Variants in TMCC1 observed in about 807,000 individuals in gnomAD.
TMCC1 encodes transmembrane and coiled-coil domains protein 1.
TMCC1 carries 15 observed loss-of-function variants against 52.4 expected under a neutral mutation model. That is an observed-to-expected ratio of 0.29 (90% confidence interval 0.19 to 0.44). The LOEUF (loss-of-function observed/expected upper bound fraction) is 0.44. TMCC1 is among the 20% of genes least tolerant of loss of function. TMCC1 has a pLI of 1.00. For missense variants in TMCC1, 503 were observed against 806.0 expected (o/e 0.62, Z 4.55); for synonymous variants, 279 against 301.9 (o/e 0.92, Z 0.79).
At chr3:129,743,752 C>T (rs2051670542) in intron 4 of TMCC1, among the ~76,000 whole-genome samples, 1 of 152,100 alleles carries the variant, frequency 6.6e-6, no homozygotes. Context: ...GCAAAATGCC[C>T]ATTCCTGCTA....
chr3:129,889,871 G>C (rs1291075157), intron 1 of TMCC1, among the ~76,000 whole-genome samples: 1 of 150,614 alleles, frequency 6.6e-6, no homozygotes, highest in African/African-American at 2.4e-5. Context: ...TTTGGTCAAG[G>C]AGATAAAACT....
chr3:129,656,064 G>A (rs887650267), intron 5 of TMCC1, among the ~76,000 whole-genome samples: 1 of 152,222 alleles, frequency 6.6e-6, no homozygotes, highest in African/African-American at 2.4e-5. Flanking sequence ...TATTAAATGA[G>A]CCCAAAGAAG....
chr3:129,754,259 C>CTG (rs926846003), intron 4 of TMCC1, among the ~76,000 whole-genome samples: 2 of 152,156 alleles, frequency 1.3e-5, no homozygotes, highest in African/African-American at 2.4e-5. Flanking sequence ...GAAAGGGACA[C>CTG]CATGTCATTT....
intron 4 of TMCC1, among the ~76,000 whole-genome samples, chr3:129,738,751 A>T (rs2051201062): frequency 6.6e-6 from 1 of 152,232 alleles, no homozygotes; most frequent in African/African-American, 2.4e-5. Context: ...AATAGAATTT[A>T]TCTCCACTTA....
intron 4 of TMCC1, among the ~76,000 whole-genome samples, chr3:129,773,733 C>G (rs2054802452): frequency 6.6e-6 from 1 of 152,046 alleles, no homozygotes; most frequent in African/African-American, 2.4e-5. Flanking sequence ...TCACTTCAGC[C>G]CAGGAGTTTG....
At chr3:129,885,747 G>GT (rs1440152654) in intron 1 of TMCC1, among the ~76,000 whole-genome samples, 2 of 151,712 alleles carry the variant, frequency 1.3e-5, no homozygotes, top group Non-Finnish European at 2.9e-5. Flanking sequence ...AGGTTTTTTT[G>GT]TTTGTTTGTT....
intron 4 of TMCC1, among the ~76,000 whole-genome samples, chr3:129,717,867 C>T (rs780650948): frequency 6.6e-6 from 1 of 152,154 alleles, no homozygotes; most frequent in Non-Finnish European, 1.5e-5. Context: ...CAGAATGATC[C>T]TTTAAAAACC....
intron 4 of TMCC1, among the ~76,000 whole-genome samples, chr3:129,750,647 T>C (rs1261450072): frequency 6.9e-6 from 1 of 143,984 alleles, no homozygotes; most frequent in Non-Finnish European, 1.5e-5. Context: ...CAATCTCGGC[T>C]CACTGCAAAC....
intron 4 of TMCC1, among the ~76,000 whole-genome samples, chr3:129,732,967 G>A (rs772965579): frequency 2.6e-5 from 4 of 152,200 alleles, no homozygotes; most frequent in Non-Finnish European, 5.9e-5. Context: ...CCACTTAGGG[G>A]TTTTAGGCTG....
intron 4 of TMCC1, among the ~76,000 whole-genome samples, chr3:129,800,169 G>T (rs1170354026): frequency 2.6e-5 from 4 of 152,142 alleles, no homozygotes; most frequent in Non-Finnish European, 5.9e-5. Flanking sequence ...GCAGTTGTGT[G>T]TAACAGTTCT....
Position 129,828,202 on chromosome 3 carries a change from C to G in TMCC1, c.177G>C (p.Gln59His). 1 of 1,614,176 alleles carries G rather than the reference C, an allele frequency of 6.2e-7. No individual in the cohort carries two copies. The highest frequency in any genetic ancestry group is 8.5e-7 in the Non-Finnish European group (1 of 1,180,030). The part of the protein sequence containing the change: ...GQGLKHLFQH[Q>H]RRRSSVSPHD... ...GTGGAGACACTGATGACCTCCTGCG[C>G]TGGTGCTGGAAGAGATGCTTCAAGC... Residue 59 changes from glutamine (Q) to histidine (H), a missense_variant, in exon 4 of 7, where the codon CAG becomes CAC. Gln to His is a conservative substitution (Grantham distance 24). Coordinates refer to ENST00000393238, the MANE Select transcript of TMCC1 (RefSeq NM_001017395.5). The surrounding 1 kb of genome is among the most constrained non-coding windows in gnomAD (Gnocchi z 4.1).
At chr3:129,886,830 G>A (rs867833736) in intron 1 of TMCC1, among the ~76,000 whole-genome samples, 6 of 151,932 alleles carry the variant, frequency 3.9e-5, no homozygotes, top group Admixed American at 1.3e-4. Context: ...CCAGCTACTC[G>A]GGAGGCTGAG....
At chr3:129,760,286 C>T (rs1560352033) in intron 4 of TMCC1, among the ~76,000 whole-genome samples, 1 of 152,084 alleles carries the variant, frequency 6.6e-6, no homozygotes, top group Non-Finnish European at 1.5e-5. Flanking sequence ...CACAGCTTAC[C>T]GCAGCCTCGA....
intron 4 of TMCC1, among the ~76,000 whole-genome samples, chr3:129,759,372 A>T (rs1223234073): frequency 6.7e-6 from 1 of 150,150 alleles, no homozygotes; most frequent in Non-Finnish European, 1.5e-5. Flanking sequence ...GTTTCAAGCG[A>T]TTCTCCTGCC....
chr3:129,829,120 G>A (rs917627976), intron 3 of TMCC1, among the ~76,000 whole-genome samples: 1 of 152,206 alleles, frequency 6.6e-6, no homozygotes, highest in Non-Finnish European at 1.5e-5. Flanking sequence ...CCTGTAAGTT[G>A]AATTCTCTGC....
At chr3:129,834,045 C>T (rs1371492727) in intron 2 of TMCC1, among the ~76,000 whole-genome samples, 21 of 152,058 alleles carry the variant, frequency 1.4e-4, no homozygotes, top group Admixed American at 1.4e-3. Context: ...GAAAACAGCA[C>T]AAAACTAAAC....
intron 4 of TMCC1, among the ~76,000 whole-genome samples, chr3:129,678,817 C>T (rs1296266876): frequency 1.3e-5 from 2 of 152,152 alleles, no homozygotes; most frequent in African/African-American, 2.4e-5. Context: ...AGTCTAGCTA[C>T]AGAGTATGTG....
At chr3:129,841,282 G>A (rs2059411862) in intron 2 of TMCC1, among the ~76,000 whole-genome samples, 2 of 152,342 alleles carry the variant, frequency 1.3e-5, no homozygotes, top group South Asian at 4.1e-4. Context: ...ATGTGACCTG[G>A]CTTTTTCTGA....
intron 5 of TMCC1, among the ~76,000 whole-genome samples, chr3:129,664,635 A>G (rs897663730): frequency 3.3e-5 from 5 of 152,200 alleles, no homozygotes; most frequent in African/African-American, 1.2e-4. Context: ...CCTGCCCTAC[A>G]TGACACTGCT....
Sources: allele counts gnomAD v4.1 joint callset (sites outside exome capture counted in the v4.1 genomes callset), GRCh38; gene constraint gnomAD v4.1.1; non-coding constraint Gnocchi (gnomAD v3.1); transcripts MANE v1.5; gene names NCBI Gene and HGNC (gene_info 2026-07-23, HGNC 2026-07-21).